SLC27A6: variants seen among roughly 807,000 people sequenced by gnomAD.
SLC27A6 encodes long-chain fatty acid transport protein 6.
Under a neutral mutation model 63.9 loss-of-function variants are expected in SLC27A6, and 74 were observed. The observed-to-expected ratio is 1.16, with a 90% CI of 0.96 to 1.40. SLC27A6 has a LOEUF of 1.40. Ranked by LOEUF, SLC27A6 falls within the 40% of genes most tolerant of loss-of-function variation. The pLI is 0.00. For missense variants in SLC27A6, 794 were observed against 732.9 expected, an observed-to-expected ratio of 1.08 and a Z score of -0.96; for synonymous variants, 287 against 260.8, an observed-to-expected ratio of 1.10 and a Z score of -0.97.
In SLC27A6 at chr5:129,027,066, T is replaced by TA. The variant is rs1752266624; in HGVS notation, c.1256-66dup. 9 of 1,268,838 alleles carry TA rather than the reference T, an allele frequency of 7.1e-6. No individual in the cohort carries two copies. In the East Asian group the frequency reaches 2.1e-4, roughly 29 times the overall value. The allele number at this position is 1,268,838 out of a possible 1,614,324, so 78.6% of individuals were successfully genotyped here. On this transcript the variant is annotated intron_variant, in intron 6 of 9. Transcript: ENST00000262462. ...TTGTGCTGGCCAGATATAATATAGA[T>TA]ACATTCATGGTGTGTGTAACAATAG...
chr5:129,011,470 A>T (rs1379452533), intron 4 of SLC27A6, among the ~76,000 whole-genome samples: 1 of 152,208 alleles, frequency 6.6e-6, no homozygotes, highest in Non-Finnish European at 1.5e-5. Context: ...TACCTGCTCA[A>T]CACTTTGTCA....
Position 128,985,275 on chromosome 5 carries a change from C to T in SLC27A6, c.624C>T (p.Ser208=), listed in dbSNP as rs779933071. The change falls in exon 2 of 10, where the codon AGC becomes AGT. Residue 208 remains serine (S), a synonymous_variant. Transcript: ENST00000262462. ...CACCTGATGAGCCCGTGCCACGCAG[C>T]CACCATGTTGTCTCACTCCTCAAGT... ...STSPDEPVPR[S]HHVVSLLKST... 1 of 1,614,086 alleles carries T rather than the reference C, an allele frequency of 6.2e-7. No homozygotes were observed. The highest frequency in any genetic ancestry group is 8.5e-7 in the Non-Finnish European group (1 of 1,180,008).
At chr5:129,029,290 G>A (rs1351701420) in intron 8 of SLC27A6, among the ~76,000 whole-genome samples, 1 of 152,026 alleles carries the variant, frequency 6.6e-6, no homozygotes, top group Admixed American at 6.6e-5. Context: ...TTGTTTTAGT[G>A]ATGGTAGGAT....
At chr5:128,969,017 G>A (rs1392989991) in intron 1 of SLC27A6, among the ~76,000 whole-genome samples, 2 of 152,188 alleles carry the variant, frequency 1.3e-5, no homozygotes, top group Non-Finnish European at 2.9e-5. Flanking sequence ...TTATTAAATA[G>A]GGAATCGTTT....
intron 4 of SLC27A6, among the ~76,000 whole-genome samples, chr5:129,003,073 T>C (rs1227282236): frequency 1.3e-5 from 2 of 152,198 alleles, no homozygotes; most frequent in East Asian, 3.9e-4. Context: ...TTTATATGCC[T>C]CTGTATGTCT....
intron 4 of SLC27A6, among the ~76,000 whole-genome samples, chr5:129,011,972 T>C (rs1432415381): frequency 1.3e-5 from 2 of 151,950 alleles, no homozygotes; most frequent in Admixed American, 6.6e-5. Flanking sequence ...CATATAGATA[T>C]AGATATATCT....
At chr5:128,981,505 C>T (rs1755023182) in intron 1 of SLC27A6, among the ~76,000 whole-genome samples, 1 of 151,648 alleles carries the variant, frequency 6.6e-6, no homozygotes, top group Admixed American at 6.6e-5. Flanking sequence ...AAAAAAAATC[C>T]AGTTGTCTCA....
chr5:128,974,049 A>G (rs751797659), intron 1 of SLC27A6, among the ~76,000 whole-genome samples: 3 of 152,228 alleles, frequency 2.0e-5, no homozygotes, highest in Non-Finnish European at 4.4e-5. Flanking sequence ...GGGCCAACCA[A>G]GAGGGCCACA....
intron 1 of SLC27A6, among the ~76,000 whole-genome samples, chr5:128,981,928 C>T (rs1005426331): frequency 1.3e-5 from 2 of 151,936 alleles, no homozygotes; most frequent in South Asian, 2.1e-4. Flanking sequence ...ATTCACCTGC[C>T]TCAGTCTCCT....
intron 4 of SLC27A6, among the ~76,000 whole-genome samples, chr5:129,012,726 C>T (rs1363379479): frequency 6.6e-6 from 1 of 152,006 alleles, no homozygotes; most frequent in Non-Finnish European, 1.5e-5. Flanking sequence ...TACTTAAGGT[C>T]TACTTTGTCT....
intron 6 of SLC27A6, among the ~76,000 whole-genome samples, chr5:129,025,839 C>T (rs866699981): frequency 6.6e-6 from 1 of 151,988 alleles, no homozygotes; most frequent in African/African-American, 2.4e-5. Flanking sequence ...AAATGGGAGT[C>T]GAGTAAAGAC....
intron 5 of SLC27A6, 78 bp downstream of exon 5, chr5:129,016,157 C>T (rs942287265): frequency 2.0e-6 from 2 of 982,326 alleles, no homozygotes; most frequent in African/African-American, 3.4e-5. Flanking sequence ...CTTTGGGACG[C>T]CGAGGTGGGC....
At chr5:128,986,802 G>C (rs1750801447) in intron 2 of SLC27A6, among the ~76,000 whole-genome samples, 1 of 152,144 alleles carries the variant, frequency 6.6e-6, no homozygotes, top group African/African-American at 2.4e-5. Context: ...TTTAGAAAAG[G>C]AGGTGATGAC....
intron 1 of SLC27A6, among the ~76,000 whole-genome samples, chr5:128,970,542 G>T (rs976328020): frequency 2.6e-5 from 4 of 152,114 alleles, no homozygotes; most frequent in East Asian, 1.9e-4. Context: ...TAGTTTATTT[G>T]CGTAGAGGTG....
chr5:129,023,233 A>G (rs1752133092), intron 5 of SLC27A6, among the ~76,000 whole-genome samples: 1 of 152,016 alleles, frequency 6.6e-6, no homozygotes, highest in African/African-American at 2.4e-5. Context: ...TTTTAGTTCT[A>G]TTAAAACTTT....
chr5:129,009,241 C>T lies in SLC27A6; in HGVS notation c.970-6644C>T, dbSNP rs1751644017. 2.0e-5 allele frequency among the ~76,000 whole-genome samples: 3 copies of T among 152,296 alleles called. No homozygotes were observed. In the South Asian group the frequency reaches 6.2e-4, roughly 32 times the overall value. ...AGTACTCTTAGGATAAGAAATATCT[C>T]TGCATTATCAGTACTTGATCTCTAG... is the stretch of plus-strand genomic sequence containing the variant. On this transcript the variant is annotated intron_variant, in intron 4 of 9. Transcript: ENST00000262462.
chr5:129,028,247 G>A, intron 7 of SLC27A6, 98 bp from the exon 8 acceptor site: 1 of 744,370 alleles, frequency 1.3e-6, no homozygotes, highest in Non-Finnish European at 2.4e-6. Flanking sequence ...GTCAGTAGGT[G>A]CTTGCACAGT....
intron 3 of SLC27A6, among the ~76,000 whole-genome samples, chr5:128,989,246 T>C (rs1221841135): frequency 6.6e-6 from 1 of 152,222 alleles, no homozygotes; most frequent in Non-Finnish European, 1.5e-5. Flanking sequence ...AAATTTACAC[T>C]GCAAAAGTAA....
chr5:129,027,462 A>G, intron 7 of SLC27A6, 131 bp downstream of exon 7: 1 of 671,178 alleles, frequency 1.5e-6, no homozygotes, highest in Non-Finnish European at 2.6e-6. Context: ...CTCCTCATTA[A>G]AACATTTATT....
Sources: gnomAD v4.1 joint callset for allele counts (sites outside exome capture counted in the v4.1 genomes callset) on GRCh38, gnomAD v4.1.1 for gene constraint, MANE v1.5 for transcripts, NCBI Gene and HGNC (gene_info 2026-07-23, HGNC 2026-07-21) for gene names.